CTIF: variants seen among roughly 807,000 people sequenced by gnomAD.
CTIF encodes cap binding complex dependent translation initiation factor.
CTIF carries 21 observed loss-of-function variants against 66.0 expected under a neutral mutation model. The ratio of observed to expected loss-of-function variants is 0.32; its 90% CI spans 0.23 to 0.46. The LOEUF is 0.46. CTIF is among the 20% of genes least tolerant of loss of function. CTIF has a pLI of 1.00. For synonymous variants in CTIF, 345 were observed against 326.4 expected (o/e 1.06, Z -0.62); for missense variants, 739 against 812.7 (o/e 0.91, Z 1.10).
At chr18:48,799,078 G>C (rs2067994261) in intron 9 of CTIF, among the ~76,000 whole-genome samples, 1 of 152,352 alleles carries the variant, frequency 6.6e-6, no homozygotes, top group Admixed American at 6.5e-5. Context: ...AATGGTGCCA[G>C]CCAGCAGCCT....
intron 6 of CTIF, among the ~76,000 whole-genome samples, chr18:48,673,297 C>T (rs1049758336): frequency 6.6e-6 from 1 of 152,106 alleles, no homozygotes; most frequent in Non-Finnish European, 1.5e-5. Context: ...CTAGAGTGTA[C>T]AAGAAAGGCA....
intron 1 of CTIF, among the ~76,000 whole-genome samples, chr18:48,595,048 G>A (rs557085926): frequency 1.7e-4 from 26 of 152,358 alleles, no homozygotes; most frequent in East Asian, 1.9e-4. Flanking sequence ...CTTGACATCC[G>A]TCTTCCCTTC....
intron 1 of CTIF, among the ~76,000 whole-genome samples, chr18:48,559,620 G>A (rs2089106267): frequency 6.6e-6 from 1 of 152,192 alleles, no homozygotes; most frequent in Admixed American, 6.5e-5. Context: ...GCTGCAATCA[G>A]AGCTGGAAGA....
rs142360392 is a variant in CTIF, at chr18:48,594,988, C to T, written c.-28-24550C>T. 8.3e-3 allele frequency among the ~76,000 whole-genome samples: 1,266 copies of T among 152,300 alleles called. 11 individuals carry two copies. The highest frequency in any genetic ancestry group is 0.024 in the Middle Eastern group (7 of 294). ...TCCAGTCTGCCAAGAGGGAGGTGGC[C>T]GTGAGCTGAGTGGTGCCAAGTCTCC... is the stretch of plus-strand genomic sequence containing the variant. On this transcript the variant is annotated intron_variant, in intron 1 of 11. Coordinates refer to ENST00000256413, the MANE Select transcript of CTIF (RefSeq NM_014772.3).
intron 9 of CTIF, among the ~76,000 whole-genome samples, chr18:48,796,522 G>T (rs552745433): frequency 3.7e-4 from 56 of 152,250 alleles, no homozygotes; most frequent in African/African-American, 1.3e-3. Context: ...CATTCTGCAT[G>T]TTTATGGATC....
chr18:48,765,332 T>C (rs1320393081), intron 9 of CTIF, among the ~76,000 whole-genome samples: 1 of 151,960 alleles, frequency 6.6e-6, no homozygotes, highest in Non-Finnish European at 1.5e-5. Flanking sequence ...AGCACCTGGT[T>C]GGGTTTGGCA....
At chr18:48,634,066 A>G (rs1321725124) in intron 2 of CTIF, among the ~76,000 whole-genome samples, 5 of 152,084 alleles carry the variant, frequency 3.3e-5, no homozygotes, top group Non-Finnish European at 7.4e-5. Context: ...TTCCCTTCCA[A>G]TCTGATATTT....
chr18:48,659,431 C>A (rs1459561374), intron 3 of CTIF, among the ~76,000 whole-genome samples: 1 of 152,186 alleles, frequency 6.6e-6, no homozygotes, highest in African/African-American at 2.4e-5. Context: ...CACCTGCTGC[C>A]TCCTCCAGGG....
chr18:48,690,195 A>C (rs1467900236), intron 6 of CTIF, among the ~76,000 whole-genome samples: 2 of 151,460 alleles, frequency 1.3e-5, no homozygotes, highest in East Asian at 1.9e-4. Context: ...CATCAATTTC[A>C]TTCTAAATTT....
chr18:48,749,524 G>T (rs115164576), intron 7 of CTIF, among the ~76,000 whole-genome samples: 1 of 152,152 alleles, frequency 6.6e-6, no homozygotes, highest in Non-Finnish European at 1.5e-5. Context: ...CTGTACTATG[G>T]GTGCACAGTG....
chr18:48,812,915 T>A (rs1044036372), intron 9 of CTIF, among the ~76,000 whole-genome samples: 4 of 152,210 alleles, frequency 2.6e-5, no homozygotes, highest in Admixed American at 6.5e-5. Context: ...TTCTCTGCTC[T>A]CTTTGTTCTG....
intron 1 of CTIF, among the ~76,000 whole-genome samples, chr18:48,570,001 C>T (rs141949248): frequency 4.6e-5 from 7 of 152,302 alleles, no homozygotes; most frequent in East Asian, 3.9e-4. Flanking sequence ...GACTTTTGTC[C>T]GAACTTCATG....
intron 9 of CTIF, among the ~76,000 whole-genome samples, chr18:48,773,096 G>A (rs1189620738): frequency 2.0e-5 from 3 of 152,178 alleles, no homozygotes; most frequent in Non-Finnish European, 4.4e-5. Context: ...GACTCAGGGA[G>A]CCATTGTGGG....
intron 5 of CTIF, among the ~76,000 whole-genome samples, chr18:48,665,104 C>CG (rs1222643711): frequency 1.3e-5 from 2 of 151,498 alleles, no homozygotes; most frequent in African/African-American, 4.9e-5. Flanking sequence ...TTAGTAGAGA[C>CG]GGGGTTTCAC....
At position 48,669,971 on chromosome 18, in the gene CTIF, C is replaced by T. The variant is rs941638443; in HGVS notation, c.432-698C>T. On this transcript the variant is annotated intron_variant, in intron 5 of 11. Transcript: ENST00000256413. ...ACCTTAAGATGTTAGACACTATTAT[C>T]CTCATTTAACAAATGAGGAAACTCA... Among the ~76,000 whole-genome samples, 34 of 151,012 alleles carry T rather than the reference C, an allele frequency of 2.3e-4. 1 individual carries two copies. Among genetic ancestry groups the T allele is most frequent in the Admixed American group, 2.2e-3 (34 of 15,170 alleles).
At chr18:48,703,075 G>A (rs1399997013) in intron 6 of CTIF, among the ~76,000 whole-genome samples, 1 of 152,120 alleles carries the variant, frequency 6.6e-6, no homozygotes, top group East Asian at 1.9e-4. Context: ...CCCAGGTTGG[G>A]GCTAGAGATG....
At position 48,632,171 on chromosome 18, in the gene CTIF, C is replaced by G. The variant is rs184962540; in HGVS notation, c.181-4443C>G. ...CTTTAGGGCCAGGGAAGAAGCGTGT[C>G]TCTGATGGAGGGGATTCAGGCAGTA... is the stretch of plus-strand genomic sequence containing the variant. On this transcript the variant is annotated intron_variant, in intron 2 of 11. Transcript: ENST00000256413. Among the ~76,000 whole-genome samples the G allele has an allele frequency of 1.7e-3, 265 of 152,262 alleles. 4 individuals carry two copies. Among genetic ancestry groups the G allele is most frequent in the Admixed American group, 0.015 (237 of 15,306 alleles).
At chr18:48,723,234 C>G (rs1373106419) in intron 7 of CTIF, among the ~76,000 whole-genome samples, 2 of 152,088 alleles carry the variant, frequency 1.3e-5, no homozygotes, top group Admixed American at 6.5e-5. Flanking sequence ...ACCACCTGAT[C>G]AACTCACATG....
chr18:48,745,447 A>G (rs896978839), intron 7 of CTIF, among the ~76,000 whole-genome samples: 13 of 152,376 alleles, frequency 8.5e-5, no homozygotes, highest in African/African-American at 2.6e-4. Context: ...GGCTACGCCA[A>G]TGTTCTGTTT....
Sources: allele counts gnomAD v4.1 joint callset (sites outside exome capture counted in the v4.1 genomes callset), GRCh38; gene constraint gnomAD v4.1.1; transcripts MANE v1.5; gene names NCBI Gene and HGNC (gene_info 2026-07-23, HGNC 2026-07-21).